Variants in TRIO observed in about 807,000 individuals in gnomAD.
TRIO encodes trio Rho guanine nucleotide exchange factor.
In TRIO, 58 loss-of-function variants were observed where a neutral mutation model predicts 351.9. The observed-to-expected ratio is 0.16, with a 90% CI of 0.13 to 0.21. The LOEUF is 0.21. Ranked by LOEUF, TRIO falls within the 10% of genes least tolerant of loss-of-function variation. The pLI is 1.00. For synonymous variants in TRIO, 1,758 were observed against 1,595.7 expected, an observed-to-expected ratio of 1.10 and a Z score of -2.42; for missense variants, 3,201 against 4,027.8, an observed-to-expected ratio of 0.79 and a Z score of 5.56.
intron 34 of TRIO, among the ~76,000 whole-genome samples, chr5:14,460,110 G>T (rs1191031601): frequency 6.6e-6 from 1 of 152,060 alleles, no homozygotes; most frequent in African/African-American, 2.4e-5. Context: ...TAGAGATGGG[G>T]TTTCACCATG....
In TRIO at chr5:14,255,303, C is replaced by A. The variant is rs559658845; in HGVS notation, c.158-15522C>A. Among the ~76,000 whole-genome samples the A allele has an allele frequency of 3.2e-4, 48 of 152,340 alleles. 1 individual carries two copies. The South Asian group carries it at 8.7e-3, about 28-fold the overall frequency. ...CTGACATATCTCTAGGCGTAGAGATCCACTGGCCTTGGGTTCTCGGGTAGT... is the reference window on the plus strand; with the variant it reads ...CTGACATATCTCTAGGCGTAGAGATACACTGGCCTTGGGTTCTCGGGTAGT... On this transcript the variant is annotated intron_variant, in intron 1 of 56. Coordinates refer to ENST00000344204, the MANE Select transcript of TRIO (RefSeq NM_007118.4).
intron 51 of TRIO, 45 bp from the exon 52 acceptor site, chr5:14,498,044 A>AG (rs1757013429): frequency 6.2e-7 from 1 of 1,612,974 alleles, no homozygotes; most frequent in South Asian, 1.1e-5. Flanking sequence ...GGTGTGGAGG[A>AG]GGAGCCAGGG....
At chr5:14,167,031 C>T (rs956233420) in intron 1 of TRIO, among the ~76,000 whole-genome samples, 19 of 151,928 alleles carry the variant, frequency 1.3e-4, no homozygotes. Flanking sequence ...ATTCCTCAGT[C>T]TCTAGATTGA....
At chr5:14,272,930 A>G (rs1796060753) in intron 2 of TRIO, among the ~76,000 whole-genome samples, 1 of 152,144 alleles carries the variant, frequency 6.6e-6, no homozygotes, top group Admixed American at 6.5e-5. Flanking sequence ...TCTCTAACTC[A>G]TTTTTTTGTT....
intron 1 of TRIO, among the ~76,000 whole-genome samples, chr5:14,216,270 C>T (rs1792216370): frequency 6.6e-6 from 1 of 152,194 alleles, no homozygotes; most frequent in South Asian, 2.1e-4. Flanking sequence ...ATTCTGTTTT[C>T]TCTTAGGTAG....
chr5:14,462,211 G>C (rs967408262), intron 35 of TRIO, among the ~76,000 whole-genome samples: 5 of 152,174 alleles, frequency 3.3e-5, no homozygotes, highest in Admixed American at 3.3e-4. Flanking sequence ...TGCAGTGTGG[G>C]GGTTGGGATG....
At position 14,347,759 on chromosome 5, in the gene TRIO, CTGTT is replaced by C. The variant is rs1474939776; in HGVS notation, c.2047-10418_2047-10415del. ...GTTTCTAGCGTCATGTTGCAGGTGT[CTGTT>C]CTCATGCAGAAAGCCTGTGAGTGGT... On this transcript the variant is annotated intron_variant, in intron 11 of 56. Transcript: ENST00000344204. 3.9e-5 allele frequency among the ~76,000 whole-genome samples: 6 copies of C among 152,288 alleles called. No individual in the cohort carries two copies. In the East Asian group the frequency reaches 9.6e-4, roughly 24 times the overall value.
At chr5:14,170,910 C>T (rs970326806) in intron 1 of TRIO, among the ~76,000 whole-genome samples, 3 of 151,988 alleles carry the variant, frequency 2.0e-5, no homozygotes, top group African/African-American at 7.3e-5. Flanking sequence ...AATATAAGTA[C>T]ATATTTGTTT....
intron 18 of TRIO, among the ~76,000 whole-genome samples, chr5:14,371,414 T>G (rs1745092711): frequency 6.6e-6 from 1 of 152,186 alleles, no homozygotes; most frequent in South Asian, 2.1e-4. Flanking sequence ...TCTCCTCCTA[T>G]TTTACTCCTT....
intron 1 of TRIO, among the ~76,000 whole-genome samples, chr5:14,145,591 G>A (rs996105663): frequency 6.6e-6 from 1 of 151,672 alleles, no homozygotes; most frequent in Non-Finnish European, 1.5e-5. Flanking sequence ...TTCATGCCCT[G>A]AAGCTAAGTC....
intron 1 of TRIO, among the ~76,000 whole-genome samples, chr5:14,174,292 T>A (rs1042464550): frequency 1.3e-5 from 2 of 152,128 alleles, no homozygotes; most frequent in Non-Finnish European, 2.9e-5. Context: ...ATTTTCAGAA[T>A]AAAGAATCCT....
intron 11 of TRIO, among the ~76,000 whole-genome samples, chr5:14,349,210 GATC>G (rs1187754020): frequency 2.1e-5 from 3 of 140,320 alleles, no homozygotes; most frequent in South Asian, 2.2e-4. Context: ...GCACACACAT[GATC>G]ATGTGTGTTT....
chr5:14,342,815 A>G (rs1486288063), intron 11 of TRIO, among the ~76,000 whole-genome samples: 1 of 152,224 alleles, frequency 6.6e-6, no homozygotes, highest in African/African-American at 2.4e-5. Flanking sequence ...AGGGGATTAC[A>G]TGCCAATAAA....
intron 1 of TRIO, among the ~76,000 whole-genome samples, chr5:14,157,743 C>G (rs1408894977): frequency 6.6e-6 from 1 of 152,094 alleles, no homozygotes; most frequent in African/African-American, 2.4e-5. Context: ...TGCCACGACA[C>G]CCAGCTAATT....
intron 53 of TRIO, among the ~76,000 whole-genome samples, chr5:14,500,900 A>C (rs997861770): frequency 1.6e-4 from 24 of 151,012 alleles, no homozygotes; most frequent in Non-Finnish European, 2.5e-4. Context: ...AAAAAAAAAA[A>C]AAAAAAAAAA....
chr5:14,349,235 TTG>T (rs993096430), intron 11 of TRIO, among the ~76,000 whole-genome samples: 12 of 141,580 alleles, frequency 8.5e-5, no homozygotes, highest in South Asian at 4.6e-4. Flanking sequence ...TCCTGTGTGT[TTG>T]TGTGTGCACA....
At chr5:14,412,712 A>G (rs528179373) in intron 33 of TRIO, among the ~76,000 whole-genome samples, 3 of 152,248 alleles carry the variant, frequency 2.0e-5, no homozygotes, top group Non-Finnish European at 4.4e-5. Flanking sequence ...CATTTAATTC[A>G]GAAGCCTTTT....
chr5:14,505,934 G>T (rs10079006), intron 55 of TRIO, among the ~76,000 whole-genome samples: 2,451 of 152,332 alleles, frequency 0.016, 71 homozygotes, highest in African/African-American at 0.057. Flanking sequence ...CCTGGCCTCA[G>T]TCCCCGCCCT....
At position 14,387,195 on chromosome 5, in the gene TRIO, A is replaced by G. The variant is rs896367248; in HGVS notation, c.3571-243A>G. 3.2e-5 allele frequency: 14 copies of G among 443,192 alleles called. No individual in the cohort carries two copies. The South Asian group carries it at 6.9e-4, about 22-fold the overall frequency. The allele number at this position is 443,192 out of a possible 1,614,324, so 27.5% of individuals were successfully genotyped here. On this transcript the variant is annotated intron_variant, in intron 21 of 56. Coordinates refer to ENST00000344204, the MANE Select transcript of TRIO (RefSeq NM_007118.4). Reference sequence around the variant, plus strand: ...CCTCCTAGATGAAGACGTTGCTGAAAAATAGTCTAAGTTTATTCTTTGAGG... The same window carrying G: ...CCTCCTAGATGAAGACGTTGCTGAAGAATAGTCTAAGTTTATTCTTTGAGG...
Sources: allele counts gnomAD v4.1 joint callset (sites outside exome capture counted in the v4.1 genomes callset), GRCh38; gene constraint gnomAD v4.1.1; transcripts MANE v1.5; gene names NCBI Gene and HGNC (gene_info 2026-07-23, HGNC 2026-07-21).